FGD5: variants seen among roughly 807,000 people sequenced by gnomAD.
FGD5 encodes the protein FYVE, RhoGEF and PH domain-containing protein 5.
A neutral mutation model predicts 133.4 loss-of-function variants in FGD5; 28 were observed. The ratio of observed to expected loss-of-function variants is 0.21; its 90% CI spans 0.16 to 0.29. The LOEUF is 0.29. FGD5 is among the 10% of genes least tolerant of loss of function. The probability of loss-of-function intolerance (pLI) is 1.00; values close to 1 mark genes in which losing one functional copy is unlikely to be tolerated. For missense variants in FGD5, 1,858 were observed against 1,895.2 expected (o/e 0.98, Z 0.36); for synonymous variants, 810 against 776.5 (o/e 1.04, Z -0.72).
intron 1 of FGD5, among the ~76,000 whole-genome samples, chr3:14,833,849 G>A (rs1263574437): frequency 6.6e-6 from 1 of 152,208 alleles, no homozygotes; most frequent in African/African-American, 2.4e-5. Flanking sequence ...GCCTCAGAAG[G>A]CAGCAGCCCC....
At chr3:14,831,473 C>A (rs1319072845) in intron 1 of FGD5, among the ~76,000 whole-genome samples, 2 of 152,084 alleles carry the variant, frequency 1.3e-5, no homozygotes, top group Admixed American at 6.6e-5. Context: ...TTTTAAGCGG[C>A]TGGGTCTCAG....
chr3:14,879,349 C>G (rs1228915771), intron 2 of FGD5, among the ~76,000 whole-genome samples: 1 of 152,250 alleles, frequency 6.6e-6, no homozygotes, highest in Non-Finnish European at 1.5e-5. Flanking sequence ...CTCTGGATCC[C>G]AGCCACTAGT....
At chr3:14,813,061 T>G (rs2036316832) in intron 1 of FGD5, among the ~76,000 whole-genome samples, 1 of 152,196 alleles carries the variant, frequency 6.6e-6, no homozygotes, top group Non-Finnish European at 1.5e-5. Flanking sequence ...ACCCAGGCTG[T>G]CCAGCCTGAG....
At position 14,898,868 on chromosome 3, in the gene FGD5, CAGGGAAGGCCCCTGAGG is replaced by C. The variant is rs774895170; in HGVS notation, c.3154+47_3154+63del. 2.7e-5 allele frequency: 41 copies of C among 1,528,452 alleles called. No individual in the cohort carries two copies. The African/African-American group carries it at 5.5e-4, about 21-fold the overall frequency. The allele number at this position is 1,528,452 out of a possible 1,614,324, so 94.7% of individuals were successfully genotyped here. A position where few individuals can be genotyped will look rare whatever the true frequency, so the allele number is the denominator to read the frequency against. On this transcript the variant is annotated intron_variant, in intron 7 of 19. Transcript: ENST00000285046. Reference sequence around the variant, plus strand: ...ATCAATGGGGACTGAGGCGGCAGGGCAGGGAAGGCCCCTGAGGAGGGGTGGAGGGGACTGTGGTGACC... The same window carrying C: ...ATCAATGGGGACTGAGGCGGCAGGGCAGGGGTGGAGGGGACTGTGGTGACC...
intron 1 of FGD5, among the ~76,000 whole-genome samples, chr3:14,849,667 A>T (rs547109259): frequency 6.6e-6 from 1 of 152,226 alleles, no homozygotes; most frequent in South Asian, 2.1e-4. Flanking sequence ...ATGAATAAAT[A>T]CAGTAGAGGT....
At position 14,897,515 on chromosome 3, in the gene FGD5, C is replaced by T. The variant is rs754746108; in HGVS notation, c.2755C>T (p.His919Tyr). 4.4e-6 allele frequency: 7 copies of T among 1,604,754 alleles called. No homozygotes were observed. Among genetic ancestry groups the T allele is most frequent in the Non-Finnish European group, 6.0e-6 (7 of 1,175,800 alleles). Reference protein sequence around the residue: ...EMLQHLNLDFHGAVMRALDDM... With the variant: ...EMLQHLNLDFYGAVMRALDDM... ...AGACCTTTTGGTGTTTCAGGATTTC[C>T]ATGGAGCTGTCATGAGGGCCTTGGA... Residue 919 changes from histidine (H) to tyrosine (Y), a missense_variant, in exon 5 of 20, where the codon CAT becomes TAT. His to Tyr is a moderately conservative substitution (Grantham distance 83). This residue lies in a region of FGD5 where 1,824 missense variants were observed against 1,848.9 expected (regional missense o/e 0.99). Transcript: ENST00000285046.
intron 7 of FGD5, among the ~76,000 whole-genome samples, chr3:14,900,097 G>A (rs2038208674): frequency 6.6e-6 from 1 of 152,244 alleles, no homozygotes; most frequent in Admixed American, 6.5e-5. Context: ...TGCCATGTCT[G>A]TCGCCCCCAG....
chr3:14,881,327 C>T (rs942936896), intron 4 of FGD5, among the ~76,000 whole-genome samples: 1 of 151,802 alleles, frequency 6.6e-6, no homozygotes, highest in African/African-American at 2.4e-5. Context: ...ACTCACAGGA[C>T]AGCTTGCAGA....
At chr3:14,817,884 G>T (rs1171953499), upstream of FGD5, among the ~76,000 whole-genome samples, 1 of 152,190 alleles carries the variant, frequency 6.6e-6, no homozygotes, top group African/African-American at 2.4e-5. Flanking sequence ...CCCGCAGTAT[G>T]CAAGGGAGCT....
rs202000423 is a variant in FGD5, at chr3:14,901,022, C to T, written c.3225C>T (p.Ser1075=). The change falls in exon 9 of 20, where the codon TCC becomes TCT. Residue 1075 remains serine (S), a synonymous_variant. Coordinates refer to ENST00000285046, the MANE Select transcript of FGD5 (RefSeq NM_152536.4). ...DNTQGALSLI[S]KVTDRANDSM... The stretch of plus-strand genomic sequence containing the variant: ...CCCCAGGTGCACTGAGCCTCATCTC[C>T]AAAGTCACAGACCGTGCCAACGACA... 6.2e-7 allele frequency: 1 copy of T among 1,614,026 alleles called. No homozygotes were observed. The highest frequency in any genetic ancestry group is 1.3e-5 in the African/African-American group (1 of 75,062).
chr3:14,864,797 C>T (rs2037463250), intron 2 of FGD5, among the ~76,000 whole-genome samples: 1 of 152,136 alleles, frequency 6.6e-6, no homozygotes, highest in Non-Finnish European at 1.5e-5. Flanking sequence ...AGTGAAGACC[C>T]AGACCTCATT....
chr3:14,856,278 T>TTG (rs1260617251), intron 1 of FGD5, among the ~76,000 whole-genome samples: 2 of 152,188 alleles, frequency 1.3e-5, no homozygotes, highest in Non-Finnish European at 2.9e-5. Flanking sequence ...TACTATAGCT[T>TTG]TGTAGTATAT....
intron 4 of FGD5, among the ~76,000 whole-genome samples, chr3:14,889,857 C>CT (rs1050541024): frequency 1.5e-4 from 23 of 151,674 alleles, no homozygotes; most frequent in East Asian, 3.9e-4. Flanking sequence ...GTTTCTTTTG[C>CT]TTTTTTTTTA....
chr3:14,882,697 GA>G (rs140724200), intron 4 of FGD5, among the ~76,000 whole-genome samples: 21,010 of 123,402 alleles, frequency 0.17, 1,726 homozygotes, highest in East Asian at 0.4. Context: ...GACTCTGTCT[GA>G]AAAAAAAAAA....
At chr3:14,884,525 C>G (rs544473770) in intron 4 of FGD5, among the ~76,000 whole-genome samples, 11 of 152,322 alleles carry the variant, frequency 7.2e-5, no homozygotes, top group Admixed American at 1.3e-4. Flanking sequence ...CTGGAAGGTC[C>G]TACCCCGATC....
chr3:14,864,104 C>A (rs1210848794), intron 1 of FGD5, 24 bp from the exon 2 acceptor site: 1 of 1,605,970 alleles, frequency 6.2e-7, no homozygotes, highest in Middle Eastern at 1.7e-4. Context: ...AGCTTTAACC[C>A]TTCTTTCCCC....
At chr3:14,875,083 G>A (rs2037689151) in intron 2 of FGD5, among the ~76,000 whole-genome samples, 1 of 152,154 alleles carries the variant, frequency 6.6e-6, no homozygotes, top group Non-Finnish European at 1.5e-5. Context: ...CCCCACCTGT[G>A]TTCCCTGCCT....
Position 14,917,420 on chromosome 3 carries a change from C to T in FGD5, c.3489+88C>T. Reference sequence around the variant, plus strand: ...ACAGCATCCTGCTCCCAGGAGCACCCAGACCAGCTGGAAGAGGGAGGCCCT... The same window carrying T: ...ACAGCATCCTGCTCCCAGGAGCACCTAGACCAGCTGGAAGAGGGAGGCCCT... On this transcript the variant is annotated intron_variant, in intron 12 of 19. Transcript: ENST00000285046. This position sits in a 1 kb window ranked among gnomAD's most constrained non-coding sequence, Gnocchi z 4.1. 1 of 1,237,804 alleles carries T rather than the reference C, an allele frequency of 8.1e-7. No homozygotes were observed. The highest frequency in any genetic ancestry group is 1.1e-6 in the Non-Finnish European group (1 of 872,434). 76.7% of individuals were successfully genotyped at this position (1,237,804 alleles called of 1,614,324 possible).
chr3:14,830,463 A>AC (rs2036685171), intron 1 of FGD5, among the ~76,000 whole-genome samples: 1 of 151,776 alleles, frequency 6.6e-6, no homozygotes, highest in Non-Finnish European at 1.5e-5. Flanking sequence ...ACCCCCAACT[A>AC]TTTTTTTTAC....
Sources: allele counts gnomAD v4.1 joint callset (sites outside exome capture counted in the v4.1 genomes callset), GRCh38; gene constraint gnomAD v4.1.1; regional missense constraint gnomAD v4.1.1; non-coding constraint Gnocchi (gnomAD v3.1); transcripts MANE v1.5; gene names NCBI Gene and HGNC (gene_info 2026-07-23, HGNC 2026-07-21).